NFASC: variants seen among roughly 807,000 people sequenced by gnomAD.
NFASC encodes neurofascin, also known as neurofascin homolog.
Under a neutral mutation model 147.5 loss-of-function variants are expected in NFASC, and 43 were observed. The observed-to-expected ratio is 0.29, with a 90% CI of 0.23 to 0.38. NFASC has a LOEUF of 0.38. Ranked by LOEUF, NFASC falls within the 10% of genes least tolerant of loss-of-function variation. The pLI is 1.00. For synonymous variants in NFASC, 622 were observed against 665.5 expected (o/e 0.93, Z 1.01); for missense variants, 1,320 against 1,689.0 (o/e 0.78, Z 3.83).
intron 1 of NFASC, among the ~76,000 whole-genome samples, chr1:204,909,855 C>G (rs1304357710): frequency 6.6e-6 from 1 of 151,614 alleles, no homozygotes; most frequent in Non-Finnish European, 1.5e-5. Context: ...TCTCCATTGA[C>G]TTGCTTTTGC....
In NFASC at chr1:205,022,768, T is replaced by C. The variant is rs1359750250; in HGVS notation, c.*6229T>C. On this transcript the variant is annotated 3_prime_UTR_variant, in exon 30 of 30. Coordinates refer to ENST00000339876, the MANE Select transcript of NFASC (RefSeq NM_001005388.3). ...TTTTTTTGAATCACTGTAAAAAAAC[T>C]GATTTCTTTTGTATAGAGAACACTA... 1 of 152,522 alleles carries C rather than the reference T, an allele frequency of 6.6e-6. No homozygotes were observed. Among genetic ancestry groups the C allele is most frequent in the East Asian group, 1.9e-4 (1 of 5,202 alleles). The allele number at this position is 152,522 out of a possible 1,614,324, so 9.4% of individuals were successfully genotyped here.
At position 204,980,408 on chromosome 1, in the gene NFASC, A is replaced by G; in HGVS notation, c.2215A>G (p.Thr739Ala). 1 of 1,613,574 alleles carries G rather than the reference A, an allele frequency of 6.2e-7. No individual in the cohort carries two copies. The part of the protein sequence containing the change: ...SNPGDVKGEG[T>A]RKNNMEITWT... ...TCCTGGTGACGTGAAGGGAGAGGGG[A>G]CCAGAAAGAACAACATGGAGATCAC... Residue 739 changes from threonine to alanine, a missense_variant, in exon 20 of 30, where the codon ACC becomes GCC. Physicochemically the swap from Thr to Ala is moderately conservative, Grantham distance 58. This residue lies in a region of NFASC where 981 missense variants were observed against 1,289.5 expected (regional missense o/e 0.76). Transcript: ENST00000339876.
At chr1:204,861,799 T>A (rs1163303508) in intron 1 of NFASC, among the ~76,000 whole-genome samples, 1 of 152,184 alleles carries the variant, frequency 6.6e-6, no homozygotes, top group Admixed American at 6.5e-5. Flanking sequence ...TCTTCTCACT[T>A]CTTGACACAT....
At chr1:204,883,107 T>A (rs1034353570) in intron 1 of NFASC, among the ~76,000 whole-genome samples, 2 of 151,922 alleles carry the variant, frequency 1.3e-5, no homozygotes, top group Admixed American at 1.3e-4. Flanking sequence ...TCTTAAACAG[T>A]AGTTACAAGG....
At chr1:204,836,140 ATGTGTGTGCATGTATGTC>A (rs1673721482) in intron 1 of NFASC, among the ~76,000 whole-genome samples, 1 of 151,976 alleles carries the variant, frequency 6.6e-6, no homozygotes, top group South Asian at 2.1e-4. Context: ...GTATTGGGAT[ATGTGTGTGCATGTATGTC>A]TGTGTGTGCG....
chr1:204,908,525 G>T lies in NFASC; in HGVS notation c.-199-12107G>T, dbSNP rs1480450976. Among the ~76,000 whole-genome samples the T allele has an allele frequency of 2.0e-5, 3 of 151,832 alleles. No individual in the cohort carries two copies. The East Asian group carries it at 5.8e-4, about 29-fold the overall frequency. On this transcript the variant is annotated intron_variant, in intron 1 of 29. Transcript: ENST00000339876. ...TTTTAATCAAACTTTTTTTTTGAGGGTATTATAGATTCACATTCAGTTGTA... is the reference window on the plus strand; with the variant it reads ...TTTTAATCAAACTTTTTTTTTGAGGTTATTATAGATTCACATTCAGTTGTA...
intron 1 of NFASC, among the ~76,000 whole-genome samples, chr1:204,840,157 T>G (rs1216165688): frequency 1.3e-5 from 2 of 152,224 alleles, no homozygotes; most frequent in African/African-American, 4.8e-5. Flanking sequence ...TTTGAGATTC[T>G]GCTTTTCCAA....
chr1:204,902,200 T>C (rs1167139750), intron 1 of NFASC, among the ~76,000 whole-genome samples: 3 of 151,596 alleles, frequency 2.0e-5, no homozygotes, highest in Non-Finnish European at 4.4e-5. Context: ...TAGGCTGAGG[T>C]GGGAGGATTG....
chr1:204,897,751 G>T (rs531456254), intron 1 of NFASC, among the ~76,000 whole-genome samples: 23 of 143,532 alleles, frequency 1.6e-4, no homozygotes, highest in Middle Eastern at 3.7e-3. Context: ...TTTTTTTTTG[G>T]GGGGGGCAGA....
chr1:204,928,195 C>T (rs1281977535), intron 2 of NFASC, among the ~76,000 whole-genome samples: 1 of 152,198 alleles, frequency 6.6e-6, no homozygotes, highest in African/African-American at 2.4e-5. Flanking sequence ...TTTAAGCCAG[C>T]CCTTCACAGG....
chr1:204,951,321 T>G lies in NFASC; in HGVS notation c.110-690T>G, dbSNP rs540843114. ...TCACCACCATGCCCGGCTAATTTTT[T>G]TTTTTTTTTTTTTTTTACTTTTAGT... On this transcript the variant is annotated intron_variant, in intron 4 of 29. Transcript: ENST00000339876. 3.3e-3 allele frequency among the ~76,000 whole-genome samples: 494 copies of G among 148,682 alleles called. 1 individual carries two copies. Among genetic ancestry groups the G allele is most frequent in the African/African-American group, 0.011 (461 of 40,450 alleles).
Position 204,972,904 on chromosome 1 carries a change from C to T in NFASC, c.1136-372C>T, listed in dbSNP as rs1023614555. On this transcript the variant is annotated intron_variant, in intron 11 of 29. Coordinates refer to ENST00000339876, the MANE Select transcript of NFASC (RefSeq NM_001005388.3). Reference sequence around the variant, plus strand: ...CATGAGGTGATCTGTTATTCCCATTCTGCAGACAAGGAAACTGAAGCTCAC... The same window carrying T: ...CATGAGGTGATCTGTTATTCCCATTTTGCAGACAAGGAAACTGAAGCTCAC... Among the ~76,000 whole-genome samples, 18 of 152,338 alleles carry T rather than the reference C, an allele frequency of 1.2e-4. No individual in the cohort carries two copies. The South Asian group carries it at 2.5e-3, about 21-fold the overall frequency.
intron 1 of NFASC, among the ~76,000 whole-genome samples, chr1:204,887,562 A>AATTTTTTT (rs1454566792): frequency 1.1e-5 from 1 of 87,294 alleles, no homozygotes; most frequent in Non-Finnish European, 2.4e-5. Flanking sequence ...TTCCATGTTT[A>AATTTTTTT]ATTTTTTTGA....
At chr1:204,910,242 T>C (rs2087022702) in intron 1 of NFASC, among the ~76,000 whole-genome samples, 1 of 152,190 alleles carries the variant, frequency 6.6e-6, no homozygotes, top group Non-Finnish European at 1.5e-5. Flanking sequence ...TATGTAGATA[T>C]TTGATTTCTT....
At chr1:204,939,528 C>T (rs2093197131) in intron 2 of NFASC, among the ~76,000 whole-genome samples, 1 of 152,228 alleles carries the variant, frequency 6.6e-6, no homozygotes, top group African/African-American at 2.4e-5. Flanking sequence ...AACCTACCCC[C>T]TCTCCTCTAC....
intron 1 of NFASC, among the ~76,000 whole-genome samples, chr1:204,864,132 G>C (rs562191062): frequency 9.9e-5 from 15 of 152,198 alleles, no homozygotes; most frequent in Admixed American, 9.2e-4. Context: ...TACAGTATTT[G>C]TTCTTTTGTG....
intron 25 of NFASC, chr1:205,000,781 C>T (rs1349372969): frequency 8.6e-6 from 2 of 233,914 alleles, no homozygotes; most frequent in Non-Finnish European, 1.7e-5. Flanking sequence ...GAGTCGAGAT[C>T]GCACCACTGT....
At chr1:204,937,301 A>C (rs1013293126) in intron 2 of NFASC, among the ~76,000 whole-genome samples, 29 of 152,218 alleles carry the variant, frequency 1.9e-4, no homozygotes, top group African/African-American at 7.0e-4. Flanking sequence ...CTACATGGAC[A>C]CATCATTATG....
intron 2 of NFASC, among the ~76,000 whole-genome samples, chr1:204,938,486 G>A (rs1459413068): frequency 6.6e-6 from 1 of 152,186 alleles, no homozygotes; most frequent in Non-Finnish European, 1.5e-5. Flanking sequence ...CCATTTTTCA[G>A]ATGATAAATA....
Sources: allele counts gnomAD v4.1 joint callset (sites outside exome capture counted in the v4.1 genomes callset), GRCh38; gene constraint gnomAD v4.1.1; regional missense constraint gnomAD v4.1.1; transcripts MANE v1.5; gene names NCBI Gene and HGNC (gene_info 2026-07-23, HGNC 2026-07-21).